The following FHIP2A variants were observed in gnomAD, a reference collection of about 807,000 sequenced individuals.
The protein encoded by FHIP2A is family with sequence similarity 160 member B1.
In FHIP2A, 46 loss-of-function variants were observed where a neutral mutation model predicts 93.5. That is an observed-to-expected ratio of 0.49 (90% confidence interval 0.39 to 0.63). FHIP2A has a LOEUF of 0.63. Ranked by LOEUF, FHIP2A falls within the 20% of genes least tolerant of loss-of-function variation. The pLI, the probability that FHIP2A is intolerant of heterozygous loss-of-function variation, is 0.00. For synonymous variants in FHIP2A, 332 were observed against 326.5 expected (o/e 1.02, Z -0.18); for missense variants, 769 against 909.7 (o/e 0.85, Z 1.99).
At chr10:114,831,120 CAGGCATTGTTG>C (rs2083605214) in intron 2 of FHIP2A, among the ~76,000 whole-genome samples, 190 bp downstream of exon 2, 1 of 152,210 alleles carries the variant, frequency 6.6e-6, no homozygotes, top group South Asian at 2.1e-4. Flanking sequence ...TACTGTGTGT[CAGGCATTGTTG>C]AGGCACTGGG....
intron 16 of FHIP2A, among the ~76,000 whole-genome samples, chr10:114,880,163 A>T (rs1327853134): frequency 6.6e-6 from 1 of 152,202 alleles, no homozygotes; most frequent in African/African-American, 2.4e-5. Context: ...AGACAAATCT[A>T]TACAGACAGG....
At chr10:114,893,281 T>A (rs1723141204) in intron 16 of FHIP2A, among the ~76,000 whole-genome samples, 1 of 152,214 alleles carries the variant, frequency 6.6e-6, no homozygotes, top group African/African-American at 2.4e-5. Flanking sequence ...ATCGCATATT[T>A]CTGAGAAAAG....
chr10:114,861,974 T>C lies in FHIP2A; in HGVS notation c.*434T>C. On this transcript the variant is annotated 3_prime_UTR_variant, in exon 17 of 17. Coordinates refer to ENST00000369248, the MANE Select transcript of FHIP2A (RefSeq NM_020940.4). ...TAAGTAGCAAAAAAAAATCACTAAT[T>C]TTATAACTTTTTAAGGTCAGAATTC... 2.0e-6 allele frequency: 2 copies of C among 982,704 alleles called. No homozygotes were observed. Among genetic ancestry groups the C allele is most frequent in the Non-Finnish European group, 2.4e-6 (2 of 827,102 alleles). The allele number at this position is 982,704 out of a possible 1,614,324, so 60.9% of individuals were successfully genotyped here. A position where few individuals can be genotyped will look rare whatever the true frequency, so the allele number is the denominator to read the frequency against.
At position 114,860,784 on chromosome 10, in the gene FHIP2A, A is replaced by G. The variant is rs757981314; in HGVS notation, c.1983A>G (p.Leu661=). The G allele has an allele frequency of 1.9e-6, 3 of 1,608,126 alleles. No individual in the cohort carries two copies. Among genetic ancestry groups the G allele is most frequent in the Non-Finnish European group, 2.6e-6 (3 of 1,174,504 alleles). The change falls in exon 15 of 17, where the codon TTA becomes TTG. Residue 661 remains leucine, a synonymous_variant. Coordinates refer to ENST00000369248, the MANE Select transcript of FHIP2A (RefSeq NM_020940.4). The part of the protein sequence containing the change: ...YDVNLQVTSV[L]SRLSLFPHPH... ...TAAACTTACAAGTAACCTCAGTGTT[A>G]TCTAGACTTTCTCTCTTCCCTCATC...
chr10:114,865,282 C>G (rs2083823147), downstream of FHIP2A, among the ~76,000 whole-genome samples: 1 of 152,156 alleles, frequency 6.6e-6, no homozygotes, highest in East Asian at 1.9e-4. Context: ...GCCACCGCGC[C>G]TGGCCCAGAA....
intron 2 of FHIP2A, among the ~76,000 whole-genome samples, chr10:114,832,857 G>T (rs1014831171): frequency 6.6e-6 from 1 of 151,866 alleles, no homozygotes; most frequent in East Asian, 1.9e-4. Flanking sequence ...AATCACAGGC[G>T]CCTGCCACCA....
At chr10:114,895,656 G>C (rs1428299277) in intron 16 of FHIP2A, among the ~76,000 whole-genome samples, 1 of 152,142 alleles carries the variant, frequency 6.6e-6, no homozygotes, top group Non-Finnish European at 1.5e-5. Context: ...AAAAATTGAG[G>C]CTCCGGAATC....
chr10:114,893,721 AGT>A (rs372188648), intron 16 of FHIP2A, among the ~76,000 whole-genome samples: 3 of 151,476 alleles, frequency 2.0e-5, no homozygotes, highest in South Asian at 2.1e-4. Context: ...ATGTGTGTGG[AGT>A]GTGTGTGTGT....
chr10:114,871,355 C>A (rs1307233126), intron 16 of FHIP2A, among the ~76,000 whole-genome samples: 1 of 151,994 alleles, frequency 6.6e-6, no homozygotes, highest in South Asian at 2.1e-4. Flanking sequence ...GAACCAGCCT[C>A]CTCTGGTCTC....
downstream of FHIP2A, among the ~76,000 whole-genome samples, chr10:114,867,231 T>C (rs1469573085): frequency 1.3e-5 from 2 of 150,878 alleles, no homozygotes; most frequent in Non-Finnish European, 3.0e-5. Context: ...AAAGAAGTTA[T>C]AATCACAACA....
intron 16 of FHIP2A, among the ~76,000 whole-genome samples, chr10:114,872,654 C>T (rs1224576159): frequency 6.6e-6 from 1 of 152,134 alleles, no homozygotes; most frequent in Non-Finnish European, 1.5e-5. Flanking sequence ...CAGTTTATGC[C>T]TATTGTCCTT....
intron 1 of FHIP2A, among the ~76,000 whole-genome samples, chr10:114,829,270 C>G (rs1239863064): frequency 6.6e-6 from 1 of 151,158 alleles, no homozygotes; most frequent in East Asian, 1.9e-4. Context: ...AAGGGGTGGG[C>G]CATTCTCGGC....
chr10:114,885,472 G>C (rs2083938466), intron 16 of FHIP2A, among the ~76,000 whole-genome samples: 1 of 151,678 alleles, frequency 6.6e-6, no homozygotes, highest in Non-Finnish European at 1.5e-5. Context: ...GCTGGGAATT[G>C]TTTTTGCTCT....
Position 114,842,968 on chromosome 10 carries a change from A to G in FHIP2A, c.558A>G (p.Pro186=). ...KMKSLASKGV[P]NVISEDTLKG... ...AATCATTGGCTTCCAAAGGAGTACC[A>G]AATGTAATTTCAGAAGATACATTAA... is the stretch of plus-strand genomic sequence containing the variant. Residue 186 remains proline, a synonymous_variant, in exon 6 of 17, where the codon CCA becomes CCG. Coordinates refer to ENST00000369248, the MANE Select transcript of FHIP2A (RefSeq NM_020940.4). The G allele has an allele frequency of 6.2e-7, 1 of 1,609,534 alleles. No individual in the cohort carries two copies. The highest frequency in any genetic ancestry group is 8.5e-7 in the Non-Finnish European group (1 of 1,176,160).
intron 16 of FHIP2A, among the ~76,000 whole-genome samples, chr10:114,884,218 G>A (rs1394522229): frequency 2.6e-5 from 4 of 152,118 alleles, no homozygotes; most frequent in Admixed American, 6.6e-5. Flanking sequence ...TGTGTATAAA[G>A]GCAGCCCCAA....
rs1021913348 is a variant in FHIP2A at position 114,822,010 on chromosome 10, G to GGGC, written c.-57_-55dup. The GGGC allele has an allele frequency of 1.2e-4, 127 of 1,054,070 alleles. No individual in the cohort carries two copies. In the African/African-American group the frequency reaches 1.2e-3, roughly 10 times the overall value. The allele number at this position is 1,054,070 out of a possible 1,614,324, so 65.3% of individuals were successfully genotyped here. On this transcript the variant is annotated 5_prime_UTR_variant, in exon 1 of 17. Coordinates refer to ENST00000369248, the MANE Select transcript of FHIP2A (RefSeq NM_020940.4). ...GGAGCGGCCCCGGCAGCCGCAGCAG[G>GGGC]GGCGGCGGCGGCGGATCGAGGAGCT...
intron 16 of FHIP2A, among the ~76,000 whole-genome samples, chr10:114,875,874 A>G (rs574250729): frequency 7.1e-6 from 1 of 140,644 alleles, no homozygotes; most frequent in African/African-American, 2.9e-5. Context: ...AGAAAGAGAA[A>G]GAAAGAAAAG....
At chr10:114,837,712 C>T (rs1224380472) in intron 5 of FHIP2A, among the ~76,000 whole-genome samples, 3 of 152,182 alleles carry the variant, frequency 2.0e-5, no homozygotes, top group Admixed American at 2.0e-4. Context: ...CTTCTCCACC[C>T]CTACGCCCTA....
In FHIP2A at chr10:114,860,960, A is replaced by T. The variant is rs1592026032; in HGVS notation, c.2088+71A>T. ...GCAATTAATATGTTAATATCATTGT[A>T]TGCAGTTAGTGTCACATAATGAAAA... On this transcript the variant is annotated intron_variant, in intron 15 of 16. Transcript: ENST00000369248. The T allele has an allele frequency of 4.2e-6, 6 of 1,412,802 alleles. No homozygotes were observed. The East Asian group carries it at 9.1e-5, about 22-fold the overall frequency. The allele number at this position is 1,412,802 out of a possible 1,614,324, so 87.5% of individuals were successfully genotyped here.
Sources: gnomAD v4.1 joint callset for allele counts (sites outside exome capture counted in the v4.1 genomes callset) on GRCh38, gnomAD v4.1.1 for gene constraint, MANE v1.5 for transcripts, NCBI Gene and HGNC (gene_info 2026-07-23, HGNC 2026-07-21) for gene names.